The following NEK9 variants were observed in gnomAD, a reference collection of about 807,000 sequenced individuals.
NEK9 encodes the protein NIMA related kinase 9, also known as serine/threonine-protein kinase Nek9.
NEK9 carries 75 observed loss-of-function variants against 123.4 expected under a neutral mutation model. That is an observed-to-expected ratio of 0.61 (90% CI 0.50 to 0.74). The LOEUF is 0.74. Ranked by LOEUF, NEK9 falls within the 30% of genes least tolerant of loss-of-function variation. NEK9 has a pLI of 0.00. For missense variants in NEK9, 952 were observed against 1,214.4 expected (o/e 0.78, Z 3.21); for synonymous variants, 438 against 458.7 (o/e 0.95, Z 0.58).
At chr14:75,097,624 G>C (rs147778643) in intron 16 of NEK9, among the ~76,000 whole-genome samples, 5 of 152,316 alleles carry the variant, frequency 3.3e-5, no homozygotes, top group Non-Finnish European at 5.9e-5. Flanking sequence ...CTGTGGAACT[G>C]ACATTCTAGT....
chr14:75,106,060 G>T, intron 12 of NEK9, 64 bp from the exon 13 acceptor site: 1 of 1,445,012 alleles, frequency 6.9e-7, no homozygotes, highest in Non-Finnish European at 9.7e-7. Flanking sequence ...AATAGGTTCT[G>T]TAAGATTCTC....
At position 75,124,193 on chromosome 14, in the gene NEK9, C is replaced by G. The variant is rs143597394; in HGVS notation, c.250G>C (p.Asp84His). Reference protein sequence around the residue: ...DDSLVVWKEVDLTRLSEKERR... With the variant: ...DDSLVVWKEVHLTRLSEKERR... ...TCCTTCTCAGACAGCCGGGTCAAAT[C>G]GACTTCCTTCCACACAACCAGTGAG... The change falls in exon 2 of 22, where the codon GAT becomes CAT. Residue 84 changes from aspartate (D) to histidine (H), a missense_variant. By Grantham distance (81) the Asp-to-His change is moderately conservative (BLOSUM62 -1). Transcript: ENST00000238616. 2.5e-6 allele frequency: 4 copies of G among 1,613,882 alleles called. No individual in the cohort carries two copies.
chr14:75,106,602 G>C lies in NEK9; in HGVS notation c.1428C>G (p.Phe476Leu). The change falls in exon 12 of 22, where the codon TTC (phenylalanine) becomes TTG (leucine). Residue 476 changes from phenylalanine (F) to leucine (L), a missense_variant. Physicochemically the swap from Phe to Leu is conservative, Grantham distance 22 (BLOSUM62 0). Coordinates refer to ENST00000238616, the MANE Select transcript of NEK9 (RefSeq NM_033116.6). ...CCTGCTCCACTGGATTGCTGAGGAA[G>C]AAGTTCAGCTGCATGGGTTCTAGCA... ...PEVLEPMQLN[F>L]FLSNPVEQVS... 6.2e-7 allele frequency: 1 copy of C among 1,614,098 alleles called. No individual in the cohort carries two copies. The highest frequency in any genetic ancestry group is 8.5e-7 in the Non-Finnish European group (1 of 1,180,020).
intron 2 of NEK9, among the ~76,000 whole-genome samples, chr14:75,122,035 TAAGTGTGA>T (rs1895354900): frequency 6.6e-6 from 1 of 152,236 alleles, no homozygotes; most frequent in South Asian, 2.1e-4. Context: ...TCCTGTGGAA[TAAGTGTGA>T]ATTTACTTCT....
At chr14:75,098,000 A>G (rs1894444763) in intron 16 of NEK9, among the ~76,000 whole-genome samples, 2 of 152,350 alleles carry the variant, frequency 1.3e-5, no homozygotes, top group Non-Finnish European at 2.9e-5. Flanking sequence ...TCTGGCACTT[A>G]CTGACTGATA....
At chr14:75,112,475 T>C (rs1305443519) in intron 8 of NEK9, among the ~76,000 whole-genome samples, 1 of 152,194 alleles carries the variant, frequency 6.6e-6, no homozygotes, top group African/African-American at 2.4e-5. Context: ...GGGCAAAATG[T>C]ACCTGAAGAG....
intron 16 of NEK9, among the ~76,000 whole-genome samples, chr14:75,097,610 T>C (rs1166550923): frequency 6.6e-6 from 1 of 152,198 alleles, no homozygotes; most frequent in African/African-American, 2.4e-5. Context: ...ACCAAGTCCT[T>C]GCCCTGTGGA....
intron 18 of NEK9, among the ~76,000 whole-genome samples, chr14:75,093,906 T>C (rs539208428): frequency 2.3e-4 from 35 of 152,362 alleles, no homozygotes; most frequent in Non-Finnish European, 4.4e-4. Context: ...ACTGAGCATT[T>C]ACCATTTGCC....
chr14:75,119,007 G>A (rs1895234266), intron 4 of NEK9, 72 bp from the exon 5 acceptor site: 6 of 853,370 alleles, frequency 7.0e-6, no homozygotes, highest in South Asian at 6.9e-5. Flanking sequence ...CCTTGCCCAG[G>A]ATTATTACAG....
intron 16 of NEK9, among the ~76,000 whole-genome samples, chr14:75,100,301 C>T (rs1339433237): frequency 6.6e-6 from 1 of 151,912 alleles, no homozygotes; most frequent in Non-Finnish European, 1.5e-5. Flanking sequence ...CAGAAATTAG[C>T]CGAGTATGGT....
chr14:75,123,716 T>C (rs1895419408), intron 2 of NEK9, among the ~76,000 whole-genome samples: 1 of 152,168 alleles, frequency 6.6e-6, no homozygotes, highest in South Asian at 2.1e-4. Context: ...AAATACTGTA[T>C]CAAGTGCTGC....
chr14:75,100,961 A>G, intron 16 of NEK9, 31 bp downstream of exon 16: 1 of 1,600,252 alleles, frequency 6.2e-7, no homozygotes. Context: ...CCATGTGTCC[A>G]GAAAGCTTGA....
At position 75,124,165 on chromosome 14, in the gene NEK9, C is replaced by T. The variant is rs1305927894; in HGVS notation, c.278G>A (p.Arg93His). ...VDLTRLSEKE[R>H]RDALNEIVIL... ...AACAATCTCATTCAAGGCATCACGA[C>T]GTTCCTTCTCAGACAGCCGGGTCAA... The change falls in exon 2 of 22, where the codon CGT becomes CAT. Residue 93 changes from arginine to histidine, a missense_variant. Physicochemically the swap from Arg to His is conservative, Grantham distance 29 (BLOSUM62 0). Around this residue, in one of 4 missense-constraint regions of NEK9, gnomAD observed 106 missense variants for 153.0 expected, o/e 0.69. Coordinates refer to ENST00000238616, the MANE Select transcript of NEK9 (RefSeq NM_033116.6). The T allele has an allele frequency of 1.9e-6, 3 of 1,614,092 alleles. No homozygotes were observed. Among genetic ancestry groups the T allele is most frequent in the Non-Finnish European group, 2.5e-6 (3 of 1,179,970 alleles).
intron 10 of NEK9, 87 bp downstream of exon 10, chr14:75,109,598 G>A (rs1446549498): frequency 8.9e-6 from 11 of 1,240,674 alleles, no homozygotes; most frequent in South Asian, 7.8e-5. Flanking sequence ...CTTAGTATAG[G>A]TTCAACTAAT....
chr14:75,117,997 T>G (rs543963311), intron 5 of NEK9, among the ~76,000 whole-genome samples: 2 of 152,212 alleles, frequency 1.3e-5, no homozygotes, highest in South Asian at 4.1e-4. Flanking sequence ...TTATAAATTT[T>G]CATATCATTC....
intron 13 of NEK9, among the ~76,000 whole-genome samples, chr14:75,104,450 G>A (rs1894703137): frequency 6.7e-6 from 1 of 150,122 alleles, no homozygotes; most frequent in South Asian, 2.1e-4. Flanking sequence ...ACAGGTGTGA[G>A]CCATCACGCC....
intron 18 of NEK9, 136 bp downstream of exon 18, chr14:75,095,236 C>A (rs1894343336): frequency 3.4e-6 from 2 of 584,002 alleles, no homozygotes; most frequent in East Asian, 5.5e-5. Context: ...AAAATATGAT[C>A]TTCTCTCTTA....
rs911404234 is a variant in NEK9 at position 75,126,915 on chromosome 14, C to G, written c.7G>C (p.Val3Leu). Reference sequence around the variant, plus strand: ...CAGTGTCGCTCGTACTCGCCCAGCACCGACATGGCGGCGGCCGCGGGCCTT... The same window carrying G: ...CAGTGTCGCTCGTACTCGCCCAGCAGCGACATGGCGGCGGCCGCGGGCCTT... MS[V>L]LGEYERHCDS... is the part of the protein sequence containing the mutation. The change falls in exon 1 of 22, where the codon GTG becomes CTG. Residue 3 changes from valine to leucine, a missense_variant. Physicochemically the swap from Val to Leu is conservative, Grantham distance 32 (BLOSUM62 1). Coordinates refer to ENST00000238616, the MANE Select transcript of NEK9 (RefSeq NM_033116.6). 148 of 1,475,588 alleles carry G rather than the reference C, an allele frequency of 1.0e-4. No individual in the cohort carries two copies. Among genetic ancestry groups the G allele is most frequent in the Non-Finnish European group, 1.3e-4 (147 of 1,108,108 alleles). 91.4% of individuals were successfully genotyped at this position (1,475,588 alleles called of 1,614,324 possible). A position where few individuals can be genotyped will look rare whatever the true frequency, so the allele number is the denominator to read the frequency against.
chr14:75,124,935 T>TA (rs1181675344), intron 1 of NEK9, among the ~76,000 whole-genome samples: 10 of 73,138 alleles, frequency 1.4e-4, no homozygotes, highest in Admixed American at 4.1e-4. Flanking sequence ...CACACTCAGC[T>TA]AAATTTTTTT....
Sources: gnomAD v4.1 joint callset for allele counts (sites outside exome capture counted in the v4.1 genomes callset) on GRCh38, gnomAD v4.1.1 for gene constraint, gnomAD v4.1.1 regional missense constraint, MANE v1.5 for transcripts, NCBI Gene and HGNC (gene_info 2026-07-23, HGNC 2026-07-21) for gene names.